The following POTEC variants were observed in gnomAD, a reference collection of about 807,000 sequenced individuals.
POTEC encodes the protein ANKRD26-like family B member 2.
In POTEC, 35 loss-of-function variants were observed where a neutral mutation model predicts 62.0. The observed-to-expected ratio is 0.56, with a 90% CI of 0.43 to 0.75. The LOEUF (loss-of-function observed/expected upper bound fraction) is 0.75. POTEC is among the 30% of genes least tolerant of loss of function. The pLI is 0.00. For missense variants in POTEC, 472 were observed against 655.9 expected (o/e 0.72, Z 3.06); for synonymous variants, 156 against 221.5 (o/e 0.70, Z 2.62).
rs1436661589 is a variant in POTEC at position 14,543,217 on chromosome 18, G to A, written c.-71C>T. On this transcript the variant is annotated 5_prime_UTR_variant, in exon 1 of 11. Coordinates refer to ENST00000358970, the MANE Select transcript of POTEC (RefSeq NM_001137671.2). The stretch of plus-strand genomic sequence containing the variant: ...GTCTACCAACCAGTTTCACCAACTA[G>A]CAGGAAACCCTGGGTTTCCAATCTG... 3 of 1,596,682 alleles carry A rather than the reference G, an allele frequency of 1.9e-6. No individual in the cohort carries two copies. In the East Asian group the frequency reaches 6.7e-5, roughly 36 times the overall value.
chr18:14,538,222 A>C lies in POTEC; in HGVS notation c.549T>G (p.Asn183Lys). The C allele has an allele frequency of 1.9e-6, 3 of 1,610,082 alleles. No homozygotes were observed. The highest frequency in any genetic ancestry group is 2.5e-6 in the Non-Finnish European group (3 of 1,178,958). Residue 183 changes from asparagine to lysine, a missense_variant, in exon 2 of 11, where the codon AAT (asparagine) becomes AAG (lysine). Coordinates refer to ENST00000358970, the MANE Select transcript of POTEC (RefSeq NM_001137671.2). ...GGAGTTGTACTACTTCTGAATTTCC[A>C]TTGGCAGAGGCCAAATGTAGAGCAG... ...KRTALHLASA[N>K]GNSEVVQLLL... is the part of the protein sequence containing the mutation.
chr18:14,534,460 A>G (rs1905639424), intron 4 of POTEC, among the ~76,000 whole-genome samples: 2 of 151,852 alleles, frequency 1.3e-5, no homozygotes, highest in African/African-American at 4.8e-5. Context: ...CTTAAAGCAG[A>G]GTCGTTGAAA....
At position 14,511,752 on chromosome 18, in the gene POTEC, T is replaced by G; in HGVS notation, c.*146A>C. 1.2e-6 allele frequency: 1 copy of G among 803,870 alleles called. No individual in the cohort carries two copies. The highest frequency in any genetic ancestry group is 2.1e-6 in the Non-Finnish European group (1 of 471,306). 49.8% of individuals were successfully genotyped at this position (803,870 alleles called of 1,614,324 possible). A position where few individuals can be genotyped will look rare whatever the true frequency, so the allele number is the denominator to read the frequency against. ...ATTCTCAGTTGTCAAAATCCTAAGC[T>G]GTCCACTGTACTTAAATATTGGTTT... is the stretch of plus-strand genomic sequence containing the variant. On this transcript the variant is annotated 3_prime_UTR_variant, in exon 11 of 11. Transcript: ENST00000358970.
At chr18:14,527,283 TA>T (rs1910460828) in intron 6 of POTEC, among the ~76,000 whole-genome samples, 1 of 152,174 alleles carries the variant, frequency 6.6e-6, no homozygotes, top group Non-Finnish European at 1.5e-5. Flanking sequence ...TTGCTTTGTT[TA>T]AAGGAAGAAC....
At position 14,507,709 on chromosome 18, in the gene POTEC, CTGG is replaced by C. The variant is rs1289899890; in HGVS notation, c.*4186_*4188del. ...GTACTTCAGTGTGTTTTTGTAGTGG[CTGG>C]TGGTGGTCTTTTCTTTCCATATTTA... On this transcript the variant is annotated 3_prime_UTR_variant, in exon 11 of 11. Coordinates refer to ENST00000358970, the MANE Select transcript of POTEC (RefSeq NM_001137671.2). The C allele has an allele frequency of 1.3e-5, 2 of 152,124 alleles. No homozygotes were observed. The highest frequency in any genetic ancestry group is 1.9e-4 in the East Asian group (1 of 5,180). 9.4% of individuals were successfully genotyped at this position (152,124 alleles called of 1,614,324 possible). A position where few individuals can be genotyped will look rare whatever the true frequency, so the allele number is the denominator to read the frequency against.
intron 3 of POTEC, among the ~76,000 whole-genome samples, chr18:14,535,456 T>C (rs1190633360): frequency 6.6e-6 from 1 of 152,166 alleles, no homozygotes; most frequent in Non-Finnish European, 1.5e-5. Flanking sequence ...CAACGTGCAA[T>C]AAATATTGCT....
chr18:14,518,874 G>A lies in POTEC; in HGVS notation c.1409+3380C>T, dbSNP rs537414019. On this transcript the variant is annotated intron_variant, in intron 9 of 10. Coordinates refer to ENST00000358970, the MANE Select transcript of POTEC (RefSeq NM_001137671.2). ...GCAGAGCAAGGGAGATAATTAGGAG[G>A]AACTTTGACATGTACTCCGAGTGAA... 2.6e-5 allele frequency among the ~76,000 whole-genome samples: 4 copies of A among 151,586 alleles called. No homozygotes were observed. In the East Asian group the frequency reaches 7.8e-4, roughly 30 times the overall value.
chr18:14,524,635 A>G (rs1374789003), intron 7 of POTEC, among the ~76,000 whole-genome samples: 13 of 149,120 alleles, frequency 8.7e-5, no homozygotes, highest in South Asian at 4.7e-4. Context: ...AATATTTTAA[A>G]TAAGAATACT....
At chr18:14,527,088 G>C (rs1378482159) in intron 6 of POTEC, among the ~76,000 whole-genome samples, 1 of 152,032 alleles carries the variant, frequency 6.6e-6, no homozygotes, top group Admixed American at 6.6e-5. Flanking sequence ...TGTGAATTCA[G>C]AGCTGTGACA....
intron 7 of POTEC, 109 bp downstream of exon 7, chr18:14,524,804 T>G (rs749940163): frequency 5.8e-5 from 70 of 1,201,496 alleles, no homozygotes; most frequent in Non-Finnish European, 7.8e-5. Flanking sequence ...AAAGAATCTA[T>G]TGATTCTTAA....
rs577431477 is a variant in POTEC, at chr18:14,518,181, G to C, written c.1409+4073C>G. Among the ~76,000 whole-genome samples, 39 of 152,240 alleles carry C rather than the reference G, an allele frequency of 2.6e-4. No individual in the cohort carries two copies. The South Asian group carries it at 7.7e-3, about 30-fold the overall frequency. On this transcript the variant is annotated intron_variant, in intron 9 of 10. Coordinates refer to ENST00000358970, the MANE Select transcript of POTEC (RefSeq NM_001137671.2). ...TTTATTAGGTAGCTTCATCCAATAT[G>C]CTAGGCCTTTTTCTAGGCAGTGAGG...
Position 14,516,854 on chromosome 18 carries a change from A to T in POTEC, c.1410-3069T>A, listed in dbSNP as rs541939514. On this transcript the variant is annotated intron_variant, in intron 9 of 10. Transcript: ENST00000358970. ...AGCAGCAAACTGTAATTACTTTTAA[A>T]TGAGGTAAAGTTGTATAAGAATATC... 5.1e-4 allele frequency among the ~76,000 whole-genome samples: 77 copies of T among 152,028 alleles called. 2 individuals carry two copies. The South Asian group carries it at 0.015, about 30-fold the overall frequency.
chr18:14,542,618 CCA>C lies in POTEC; in HGVS notation c.521+6_521+7del. The C allele has an allele frequency of 9.9e-6, 16 of 1,612,238 alleles. No individual in the cohort carries two copies. The highest frequency in any genetic ancestry group is 1.4e-5 in the Non-Finnish European group (16 of 1,179,956). On this transcript the variant is annotated splice_donor_region_variant and intron_variant, in intron 1 of 10. Coordinates refer to ENST00000358970, the MANE Select transcript of POTEC (RefSeq NM_001137671.2). ...TGTCCCGCCTCCTCCCATCCCAGGC[CCA>C]GTTACCTCTTTTGCTTGTCCCTCTT...
At chr18:14,526,827 C>T (rs1466251470) in intron 6 of POTEC, among the ~76,000 whole-genome samples, 3 of 152,076 alleles carry the variant, frequency 2.0e-5, no homozygotes, top group Admixed American at 6.6e-5. Context: ...GTCCCTGGTC[C>T]TATCTGTATT....
intron 9 of POTEC, among the ~76,000 whole-genome samples, chr18:14,521,491 T>A (rs895162515): frequency 3.3e-5 from 5 of 152,186 alleles, no homozygotes; most frequent in African/African-American, 1.2e-4. Flanking sequence ...TTCCTATTGA[T>A]AAGGATCCAT....
At chr18:14,514,647 C>T (rs1197815037) in intron 9 of POTEC, among the ~76,000 whole-genome samples, 2 of 151,930 alleles carry the variant, frequency 1.3e-5, no homozygotes, top group Non-Finnish European at 2.9e-5. Flanking sequence ...GATCAACAAT[C>T]GCTTTCAATT....
chr18:14,519,774 C>G (rs1034399156), intron 9 of POTEC, among the ~76,000 whole-genome samples: 1 of 151,752 alleles, frequency 6.6e-6, no homozygotes, highest in Admixed American at 6.6e-5. Flanking sequence ...CCCTGGGAAA[C>G]AACAATGTCC....
intron 6 of POTEC, chr18:14,528,845 A>G: frequency 2.3e-6 from 1 of 427,752 alleles, no homozygotes; most frequent in Non-Finnish European, 4.6e-6. Flanking sequence ...TATTCACCTT[A>G]TTCCCAACCT....
At position 14,508,789 on chromosome 18, in the gene POTEC, A is replaced by G. The variant is rs2143094734; in HGVS notation, c.*3109T>C. On this transcript the variant is annotated 3_prime_UTR_variant, in exon 11 of 11. Coordinates refer to ENST00000358970, the MANE Select transcript of POTEC (RefSeq NM_001137671.2). ...GAGAGTTGATGCAGTCATTTGGAGA[A>G]AAGAAGGTATGCTGAATTTTTGAGT... 1 of 152,736 alleles carries G rather than the reference A, an allele frequency of 6.5e-6. No homozygotes were observed. The highest frequency in any genetic ancestry group is 1.5e-5 in the Non-Finnish European group (1 of 68,064). The allele number at this position is 152,736 out of a possible 1,614,324, so 9.5% of individuals were successfully genotyped here. A position where few individuals can be genotyped will look rare whatever the true frequency, so the allele number is the denominator to read the frequency against.
Sources: allele counts gnomAD v4.1 joint callset (sites outside exome capture counted in the v4.1 genomes callset), GRCh38; gene constraint gnomAD v4.1.1; transcripts MANE v1.5; gene names NCBI Gene and HGNC (gene_info 2026-07-23, HGNC 2026-07-21).